TTC34: variants seen among roughly 807,000 people sequenced by gnomAD.
The protein encoded by TTC34 is tetratricopeptide repeat protein 34.
TTC34 carries 44 observed loss-of-function variants against 40.7 expected under a neutral mutation model. The ratio of observed to expected loss-of-function variants is 1.08; its 90% CI spans 0.85 to 1.39. TTC34 has a LOEUF of 1.39. Among genes scored for constraint, TTC34 ranks in the 40% most tolerant of loss-of-function variants. TTC34 has a pLI of 0.00. For synonymous variants in TTC34, 422 were observed against 398.6 expected (o/e 1.06, Z -0.70); for missense variants, 884 against 838.0 (o/e 1.05, Z -0.68).
intron 6 of TTC34, among the ~76,000 whole-genome samples, chr1:2,652,016 C>T (rs12738064): frequency 0.95 from 75,018 of 78,758 alleles, 36,236 homozygotes; most frequent in East Asian, 0.96. Flanking sequence ...CAGGTGAGCA[C>T]CTGACATCGT....
At chr1:2,800,398 C>G (rs1265706487) in exon 2 of TTC34, 1 of 398,484 alleles carries the variant, frequency 2.5e-6, no homozygotes, top group Non-Finnish European at 4.4e-6. Flanking sequence ...CAGGCGAGGG[C>G]GCGGGTCAGC....
Position 2,683,900 on chromosome 1 carries a change from G to C in TTC34, c.2227-38337C>G, listed in dbSNP as rs1198927942. ...CCGAGGCGAGCATCTGACAGCCTGG[G>C]TCGGCACCCACACCTCCAGGTGAGC... On this transcript the variant is annotated intron_variant, in intron 6 of 8. Transcript: ENST00000401095. Among the ~76,000 whole-genome samples, 13 of 49,942 alleles carry C rather than the reference G, an allele frequency of 2.6e-4. No homozygotes were observed. In the East Asian group the frequency reaches 8.8e-3, roughly 34 times the overall value. 32.8% of individuals were successfully genotyped at this position (49,942 alleles called of 152,430 possible).
intron 6 of TTC34, among the ~76,000 whole-genome samples, chr1:2,692,503 ACCCCC>A (rs1640668736): frequency 1.4e-5 from 1 of 74,010 alleles, no homozygotes; most frequent in Non-Finnish European, 3.0e-5. Flanking sequence ...AGCAGCCTGC[ACCCCC>A]AGGTGTGCAC....
At chr1:2,697,544 T>A (rs1368660640) in intron 6 of TTC34, among the ~76,000 whole-genome samples, 25 of 81,128 alleles carry the variant, frequency 3.1e-4, no homozygotes, top group East Asian at 2.4e-3. Flanking sequence ...GAGCATCTGA[T>A]GGCCTGGAAC....
intron 5 of TTC34, among the ~76,000 whole-genome samples, chr1:2,784,125 G>A (rs1234548472): frequency 6.6e-6 from 1 of 152,146 alleles, no homozygotes; most frequent in East Asian, 1.9e-4. Context: ...GATATTTACT[G>A]CATACAAGAC....
At chr1:2,784,304 A>T (rs1441758306) in intron 5 of TTC34, among the ~76,000 whole-genome samples, 5 of 152,190 alleles carry the variant, frequency 3.3e-5, no homozygotes, top group Admixed American at 3.3e-4. Context: ...AGCCTTTAAG[A>T]CTTTCACTAT....
exon 9 of TTC34, chr1:2,641,714 T>C: frequency 6.5e-7 from 1 of 1,535,516 alleles, no homozygotes; most frequent in Non-Finnish European, 8.7e-7. Context: ...CAGCGCCTCC[T>C]GGAGCACATG....
At chr1:2,779,346 T>C (rs1355571409) in intron 6 of TTC34, among the ~76,000 whole-genome samples, 8 of 152,102 alleles carry the variant, frequency 5.3e-5, no homozygotes, top group Non-Finnish European at 1.2e-4. Context: ...TTTTTGGAGC[T>C]GGAGTCTCGC....
At chr1:2,642,006 G>GCCCCGCCATCCCCAGGGA in intron 8 of TTC34, 111 bp from the exon 9 acceptor site, 1 of 1,224,298 alleles carries the variant, frequency 8.2e-7, no homozygotes, top group Non-Finnish European at 1.1e-6. Context: ...GGCTCCCTGG[G>GCCCCGCCATCCCCAGGGA]GATGGCGGGG....
chr1:2,784,058 G>T (rs886072622), intron 5 of TTC34, among the ~76,000 whole-genome samples: 1 of 152,146 alleles, frequency 6.6e-6, no homozygotes, highest in African/African-American at 2.4e-5. Context: ...GGGGATCAGG[G>T]TAGCACTACC....
intron 6 of TTC34, among the ~76,000 whole-genome samples, chr1:2,683,310 C>A (rs1165617212): frequency 2.4e-4 from 35 of 145,644 alleles, no homozygotes; most frequent in African/African-American, 6.7e-4. Flanking sequence ...AGAATCCACA[C>A]CCCCAGGTGA....
intron 6 of TTC34, among the ~76,000 whole-genome samples, chr1:2,754,720 C>G (rs1254023592): frequency 1.6e-4 from 21 of 134,498 alleles, no homozygotes; most frequent in African/African-American, 5.9e-4. Flanking sequence ...CATCCGACAG[C>G]CTGGAGCAGC....
chr1:2,759,271 C>A (rs1176510120), intron 6 of TTC34, among the ~76,000 whole-genome samples: 1 of 134,376 alleles, frequency 7.4e-6, no homozygotes, highest in Non-Finnish European at 1.6e-5. Context: ...GGAACAGCAC[C>A]CACACCCCCA....
intron 6 of TTC34, among the ~76,000 whole-genome samples, chr1:2,691,295 C>A (rs1274242982): frequency 1.1e-5 from 1 of 94,568 alleles, no homozygotes; most frequent in Admixed American, 1.0e-4. Flanking sequence ...TGGAGCAGCA[C>A]CCACAACCCC....
intron 5 of TTC34, among the ~76,000 whole-genome samples, chr1:2,784,990 T>TGCTCTGGGCC (rs782068224): frequency 0.6 from 89,801 of 150,798 alleles, 27,180 homozygotes; most frequent in South Asian, 0.72. Context: ...CGCTCTGGGC[T>TGCTCTGGGCC]GCTCTGGGCC....
At chr1:2,642,466 C>T (rs1410448222) in intron 8 of TTC34, among the ~76,000 whole-genome samples, 1 of 152,318 alleles carries the variant, frequency 6.6e-6, no homozygotes, top group East Asian at 1.9e-4. Flanking sequence ...ACGGAGGGCA[C>T]AGCCTGTGCT....
rs563097425 is a variant in TTC34, at chr1:2,694,930, C to T, written c.2227-49367G>A. 4.5e-5 allele frequency among the ~76,000 whole-genome samples: 6 copies of T among 132,794 alleles called. 1 individual carries two copies. Among genetic ancestry groups the T allele is most frequent in the African/African-American group, 1.4e-4 (5 of 35,880 alleles). The allele number at this position is 132,794 out of a possible 152,430, so 87.1% of individuals were successfully genotyped here. A position where few individuals can be genotyped will look rare whatever the true frequency, so the allele number is the denominator to read the frequency against. ...CCCACACACTCACGCGAGCACCTGA[C>T]ATCCTTGAGCAGCACCCACACCCCC... On this transcript the variant is annotated intron_variant, in intron 6 of 8. Coordinates refer to ENST00000401095, the Ensembl canonical transcript of TTC34.
chr1:2,753,089 C>A (rs1455638909), intron 6 of TTC34, among the ~76,000 whole-genome samples: 3,002 of 134,288 alleles, frequency 0.022, 61 homozygotes, highest in African/African-American at 0.083. Context: ...GGAACGGCAA[C>A]CACACCCCCA....
intron 6 of TTC34, among the ~76,000 whole-genome samples, chr1:2,753,382 G>A (rs1240774974): frequency 2.2e-3 from 284 of 129,708 alleles, no homozygotes; most frequent in African/African-American, 8.8e-3. Context: ...ACACCCCCAG[G>A]CGAGCATCTG....
Sources: allele counts gnomAD v4.1 joint callset (sites outside exome capture counted in the v4.1 genomes callset), GRCh38; gene constraint gnomAD v4.1.1; transcripts MANE v1.5; gene names NCBI Gene and HGNC (gene_info 2026-07-23, HGNC 2026-07-21).